Variants in ADGRG7 observed in about 807,000 individuals in gnomAD.
ADGRG7 encodes the protein G-protein coupled receptor 128.
In ADGRG7, 82 loss-of-function variants were observed where a neutral mutation model predicts 88.6. The ratio of observed to expected loss-of-function variants is 0.93; its 90% CI spans 0.77 to 1.11. The LOEUF (loss-of-function observed/expected upper bound fraction) is 1.11, where lower values mean the gene tolerates loss of function less well. Among genes scored for constraint, ADGRG7 ranks in the 50% most tolerant of loss-of-function variants. The pLI, the probability that ADGRG7 is intolerant of heterozygous loss-of-function variation, is 0.00. For synonymous variants in ADGRG7, 381 were observed against 345.2 expected (o/e 1.10, Z -1.15); for missense variants, 945 against 953.4 (o/e 0.99, Z 0.12).
At chr3:100,666,054 CTT>C (rs1205474471) in intron 14 of ADGRG7, among the ~76,000 whole-genome samples, 23 of 141,634 alleles carry the variant, frequency 1.6e-4, no homozygotes, top group Non-Finnish European at 1.7e-4. Flanking sequence ...GGATGACTCA[CTT>C]TTTTTTTTTT....
At chr3:100,650,370 AT>A (rs1252705559) in intron 11 of ADGRG7, among the ~76,000 whole-genome samples, 1 of 152,034 alleles carries the variant, frequency 6.6e-6, no homozygotes, top group Admixed American at 6.6e-5. Flanking sequence ...CACATGCTAC[AT>A]TTTTTTAACT....
chr3:100,613,112 A>G (rs1445309617), intron 1 of ADGRG7, among the ~76,000 whole-genome samples: 1 of 151,642 alleles, frequency 6.6e-6, no homozygotes, highest in Non-Finnish European at 1.5e-5. Flanking sequence ...CTGGTCTTGA[A>G]CTCCTGACCT....
chr3:100,633,129 G>C, intron 3 of ADGRG7, 136 bp from the exon 4 acceptor site: 1 of 400,338 alleles, frequency 2.5e-6, no homozygotes, highest in South Asian at 1.1e-4. Flanking sequence ...GATAATAAGT[G>C]GTATCTGCCT....
intron 1 of ADGRG7, among the ~76,000 whole-genome samples, chr3:100,617,392 C>G (rs1707240687): frequency 7.2e-6 from 1 of 139,116 alleles, no homozygotes; most frequent in Non-Finnish European, 1.5e-5. Context: ...ACAACAGGCC[C>G]TGGTGTGTGA....
intron 3 of ADGRG7, among the ~76,000 whole-genome samples, chr3:100,631,153 T>C: frequency 6.6e-6 from 1 of 152,212 alleles, no homozygotes; most frequent in East Asian, 1.9e-4. Context: ...GCCAAAATTA[T>C]GGACTTGTAT....
chr3:100,655,488 A>G (rs1176491367), intron 12 of ADGRG7, among the ~76,000 whole-genome samples: 3 of 152,190 alleles, frequency 2.0e-5, no homozygotes, highest in Non-Finnish European at 2.9e-5. Flanking sequence ...ACTTCCAGCT[A>G]GTTTAAAAGA....
chr3:100,682,181 C>T (rs2094974320), intron 15 of ADGRG7, among the ~76,000 whole-genome samples: 1 of 152,120 alleles, frequency 6.6e-6, no homozygotes, highest in Non-Finnish European at 1.5e-5. Flanking sequence ...CCTGGGAACC[C>T]ACCCCCGGGA....
rs563855851 is a variant in ADGRG7, at chr3:100,618,339, T to TA, written c.115+8369dup. Among the ~76,000 whole-genome samples, 523 of 152,356 alleles carry TA rather than the reference T, an allele frequency of 3.4e-3. 2 individuals carry two copies. The highest frequency in any genetic ancestry group is 0.011 in the African/African-American group (477 of 41,582). On this transcript the variant is annotated intron_variant, in intron 1 of 15. Transcript: ENST00000273352. ...TGCCTAGGTTTTCTTCTAGGGTTTT[T>TA]ATGGTTTTAGGTCTAACATTTAAGT...
chr3:100,677,461 G>C (rs1298420118), intron 15 of ADGRG7, among the ~76,000 whole-genome samples: 8 of 152,038 alleles, frequency 5.3e-5, no homozygotes, highest in Non-Finnish European at 1.2e-4. Context: ...TTCTGCTCAA[G>C]ATGTAAGTAG....
rs577207449 is a variant in ADGRG7 at position 100,686,168 on chromosome 3, G to A, written c.2137-8576G>A. On this transcript the variant is annotated intron_variant, in intron 15 of 15. Coordinates refer to ENST00000273352, the MANE Select transcript of ADGRG7 (RefSeq NM_032787.3). ...TCATGTGTTTTTTGGCTGCATAAATGTCTTCTTTTGAGAAGTGTCTGTTCA... is the reference window on the plus strand; with the variant it reads ...TCATGTGTTTTTTGGCTGCATAAATATCTTCTTTTGAGAAGTGTCTGTTCA... 1.3e-4 allele frequency among the ~76,000 whole-genome samples: 19 copies of A among 151,910 alleles called. No homozygotes were observed. The South Asian group carries it at 2.9e-3, about 23-fold the overall frequency.
chr3:100,640,819 G>A (rs1225417488), intron 6 of ADGRG7, among the ~76,000 whole-genome samples: 1 of 152,060 alleles, frequency 6.6e-6, no homozygotes, highest in Non-Finnish European at 1.5e-5. Context: ...ACCGCGACGG[G>A]CTGACCTCAC....
intron 14 of ADGRG7, among the ~76,000 whole-genome samples, chr3:100,660,952 C>CAAAAA (rs112296437): frequency 1.0e-5 from 1 of 96,964 alleles, no homozygotes; most frequent in African/African-American, 3.5e-5. Flanking sequence ...AACTCCATCT[C>CAAAAA]AAAAAAAAAA....
chr3:100,621,968 A>T (rs964347705), intron 1 of ADGRG7, among the ~76,000 whole-genome samples: 2 of 152,188 alleles, frequency 1.3e-5, no homozygotes, highest in Non-Finnish European at 2.9e-5. Context: ...ATCATTGGGT[A>T]TTAGACTCTC....
chr3:100,660,871 G>A (rs1399259864), intron 14 of ADGRG7, among the ~76,000 whole-genome samples: 2 of 151,302 alleles, frequency 1.3e-5, no homozygotes, highest in Non-Finnish European at 2.9e-5. Flanking sequence ...AGAATCGCTT[G>A]AACCCAGGAG....
intron 1 of ADGRG7, among the ~76,000 whole-genome samples, chr3:100,617,726 AC>A (rs1172337704): frequency 6.6e-6 from 1 of 152,168 alleles, no homozygotes; most frequent in Non-Finnish European, 1.5e-5. Flanking sequence ...TTGGGTATAT[AC>A]CCAGTAATGG....
At chr3:100,679,103 G>A (rs2094969496) in intron 15 of ADGRG7, among the ~76,000 whole-genome samples, 1 of 152,174 alleles carries the variant, frequency 6.6e-6, no homozygotes, top group African/African-American at 2.4e-5. Flanking sequence ...CCCAGGGCCT[G>A]TAGTTAGGAG....
At chr3:100,643,491 A>G in intron 7 of ADGRG7, 35 bp from the exon 8 acceptor site, 1 of 1,608,472 alleles carries the variant, frequency 6.2e-7, no homozygotes, top group Non-Finnish European at 8.5e-7. Flanking sequence ...ATGATAATGT[A>G]GACTTTTACA....
intron 15 of ADGRG7, among the ~76,000 whole-genome samples, chr3:100,673,853 GTC>G (rs1442431310): frequency 6.6e-6 from 1 of 152,096 alleles, no homozygotes; most frequent in Non-Finnish European, 1.5e-5. Flanking sequence ...GGTTTTTCGT[GTC>G]TCTATCTCCT....
Position 100,643,673 on chromosome 3 carries a change from G to A in ADGRG7, c.946+40G>A, listed in dbSNP as rs781042981. The A allele has an allele frequency of 2.5e-5, 32 of 1,292,602 alleles. No individual in the cohort carries two copies. In the South Asian group the frequency reaches 3.3e-4, roughly 13 times the overall value. 80.1% of individuals were successfully genotyped at this position (1,292,602 alleles called of 1,614,324 possible). On this transcript the variant is annotated intron_variant, in intron 8 of 15. Transcript: ENST00000273352. The stretch of plus-strand genomic sequence containing the variant: ...TTGTGACATTTAAAAAAATGGACTC[G>A]AATTCATGGAACTAATAACTTCTAA...
Sources: allele counts gnomAD v4.1 joint callset (sites outside exome capture counted in the v4.1 genomes callset), GRCh38; gene constraint gnomAD v4.1.1; transcripts MANE v1.5; gene names NCBI Gene and HGNC (gene_info 2026-07-23, HGNC 2026-07-21).